The following TTC6 variants were observed in gnomAD, a reference collection of about 807,000 sequenced individuals.
TTC6 encodes the protein tetratricopeptide repeat protein 6.
A neutral mutation model predicts 210.4 loss-of-function variants in TTC6; 172 were observed. The ratio of observed to expected loss-of-function variants is 0.82; its 90% CI spans 0.72 to 0.93. The LOEUF is 0.93. TTC6 is among the 40% of genes least tolerant of loss of function. The probability of loss-of-function intolerance (pLI) is 0.00; values close to 1 mark genes in which losing one functional copy is unlikely to be tolerated. For synonymous variants in TTC6, 804 were observed against 819.6 expected, an observed-to-expected ratio of 0.98 and a Z score of 0.32; for missense variants, 2,414 against 2,318.1, an observed-to-expected ratio of 1.04 and a Z score of -0.85.
chr14:37,615,743 T>A (rs61987973), intron 2 of TTC6, among the ~76,000 whole-genome samples: 29,471 of 152,130 alleles, frequency 0.19, 3,233 homozygotes, highest in South Asian at 0.26. Flanking sequence ...ATTTCTGGAC[T>A]GGGATCTGTT....
intron 14 of TTC6, among the ~76,000 whole-genome samples, chr14:37,783,698 T>C (rs1482416832): frequency 6.6e-6 from 1 of 152,120 alleles, no homozygotes; most frequent in Non-Finnish European, 1.5e-5. Context: ...GCTCTTGCTT[T>C]TCTAGTTCTT....
chr14:37,735,801 T>G, intron 7 of TTC6, 120 bp from the exon 10 acceptor site: 1 of 574,928 alleles, frequency 1.7e-6, no homozygotes, highest in Non-Finnish European at 2.9e-6. Flanking sequence ...ATTATACTAC[T>G]TTCATATGTT....
chr14:37,694,590 A>G (rs986081012), intron 3 of TTC6, among the ~76,000 whole-genome samples: 2 of 152,184 alleles, frequency 1.3e-5, no homozygotes, highest in Admixed American at 1.3e-4. Flanking sequence ...ACCCCAAAGA[A>G]AGGAAATCAG....
chr14:37,681,889 G>A (rs1212261838), intron 2 of TTC6, among the ~76,000 whole-genome samples: 3 of 152,276 alleles, frequency 2.0e-5, no homozygotes, highest in African/African-American at 7.2e-5. Flanking sequence ...AGCCAATGGA[G>A]CAGCTGAATG....
chr14:37,825,770 T>G (rs1234283253), intron 27 of TTC6, among the ~76,000 whole-genome samples: 1 of 152,082 alleles, frequency 6.6e-6, no homozygotes, highest in Non-Finnish European at 1.5e-5. Flanking sequence ...TCAATACATA[T>G]TTATGTTATT....
rs192819300 is a variant in TTC6, at chr14:37,786,398, G to C, written c.3267-1070G>C. ...GACTGCTGTGCTAGCAGTGAGCAAG[G>C]CTCCGTGGGCGTGGGACCCTCCAAG... On this transcript the variant is annotated intron_variant, in intron 14 of 30. Transcript: ENST00000553443. Among the ~76,000 whole-genome samples, 490 of 152,324 alleles carry C rather than the reference G, an allele frequency of 3.2e-3. 1 individual carries two copies. The highest frequency in any genetic ancestry group is 9.8e-3 in the African/African-American group (409 of 41,574).
intron 3 of TTC6, among the ~76,000 whole-genome samples, chr14:37,687,338 T>G (rs1387731007): frequency 6.6e-6 from 1 of 152,112 alleles, no homozygotes; most frequent in Non-Finnish European, 1.5e-5. Flanking sequence ...CTTGATTTCT[T>G]AAAAGCCTTG....
chr14:37,712,275 A>C (rs1275671345), intron 5 of TTC6, among the ~76,000 whole-genome samples: 1 of 152,210 alleles, frequency 6.6e-6, no homozygotes, highest in Non-Finnish European at 1.5e-5. Context: ...ATAGAGCCAG[A>C]GAAAAGTAGA....
At chr14:37,610,785 T>C (rs1029175716) in intron 2 of TTC6, among the ~76,000 whole-genome samples, 3 of 152,190 alleles carry the variant, frequency 2.0e-5, no homozygotes, top group East Asian at 3.9e-4. Flanking sequence ...TGAGTCTACA[T>C]CCATAAGCAC....
chr14:37,749,269 T>C, exon 11 of TTC6: 1 of 1,526,962 alleles, frequency 6.5e-7, no homozygotes, highest in Non-Finnish European at 8.8e-7. Flanking sequence ...TTAAATATTA[T>C]GAATCTGAAG....
intron 1 of TTC6, among the ~76,000 whole-genome samples, chr14:37,624,098 C>T (rs1171694933): frequency 1.3e-5 from 2 of 152,152 alleles, no homozygotes; most frequent in East Asian, 1.9e-4. Flanking sequence ...ACACTCTTGG[C>T]TGTGATTTAA....
intron 25 of TTC6, among the ~76,000 whole-genome samples, chr14:37,813,717 G>A (rs545938699): frequency 3.9e-5 from 6 of 152,268 alleles, no homozygotes; most frequent in African/African-American, 4.8e-5. Context: ...AAGCGCTGGC[G>A]TTAATATATG....
chr14:37,738,064 C>T (rs901723797), intron 9 of TTC6, among the ~76,000 whole-genome samples: 18 of 151,386 alleles, frequency 1.2e-4, no homozygotes, highest in African/African-American at 4.1e-4. Context: ...AACTTATTGA[C>T]GATGGCTCAA....
chr14:37,650,564 T>C (rs1275972576), intron 1 of TTC6, among the ~76,000 whole-genome samples: 2 of 152,218 alleles, frequency 1.3e-5, no homozygotes, highest in Non-Finnish European at 1.5e-5. Flanking sequence ...TGGGAAAGTG[T>C]GTGAGCTTCC....
chr14:37,807,217 C>T, intron 22 of TTC6, 103 bp from the exon 25 acceptor site: 1 of 1,088,796 alleles, frequency 9.2e-7, no homozygotes, highest in Non-Finnish European at 1.2e-6. Flanking sequence ...TTTTAATACC[C>T]TTTTTGGGAG....
intron 14 of TTC6, among the ~76,000 whole-genome samples, chr14:37,770,225 A>T (rs2096013537): frequency 6.6e-6 from 1 of 152,236 alleles, no homozygotes; most frequent in Middle Eastern, 3.4e-3. Context: ...ACTTCCAACT[A>T]TGTGGTCAGT....
exon 1 of TTC6, chr14:37,622,344 C>T: frequency 6.5e-7 from 1 of 1,531,868 alleles, no homozygotes; most frequent in South Asian, 1.2e-5. Flanking sequence ...GCAGGAGGTG[C>T]TCGGAGGCGC....
At chr14:37,794,425 G>C (rs1187035099) in intron 17 of TTC6, among the ~76,000 whole-genome samples, 1 of 152,068 alleles carries the variant, frequency 6.6e-6, no homozygotes, top group Non-Finnish European at 1.5e-5. Flanking sequence ...AACAATAAAA[G>C]GATTGGTTGG....
intron 14 of TTC6, among the ~76,000 whole-genome samples, chr14:37,779,866 G>A (rs1162209914): frequency 2.0e-5 from 3 of 152,090 alleles, no homozygotes; most frequent in Non-Finnish European, 4.4e-5. Context: ...TAAAGAATTG[G>A]CCTTATCCCA....
Sources: gnomAD v4.1 joint callset for allele counts (sites outside exome capture counted in the v4.1 genomes callset) on GRCh38, gnomAD v4.1.1 for gene constraint, MANE v1.5 for transcripts, NCBI Gene and HGNC (gene_info 2026-07-23, HGNC 2026-07-21) for gene names.